Variants in PBX3 observed in about 807,000 individuals in gnomAD.
The protein encoded by PBX3 is PBX homeobox 3.
PBX3 carries 14 observed loss-of-function variants against 48.5 expected under a neutral mutation model. That is an observed-to-expected ratio of 0.29 (90% CI 0.19 to 0.45). The LOEUF (loss-of-function observed/expected upper bound fraction) is 0.45. Among genes scored for constraint, PBX3 ranks in the 20% least tolerant of loss-of-function variants. The probability of loss-of-function intolerance (pLI) is 1.00; values close to 1 mark genes in which losing one functional copy is unlikely to be tolerated. For synonymous variants in PBX3, 210 were observed against 200.3 expected (o/e 1.05, Z -0.41); for missense variants, 386 against 546.7 (o/e 0.71, Z 2.93).
intron 5 of PBX3, among the ~76,000 whole-genome samples, chr9:125,950,440 C>T (rs554641802): frequency 6.6e-5 from 10 of 151,180 alleles, no homozygotes; most frequent in African/African-American, 2.4e-4. Context: ...GGATGTTTTC[C>T]AAAAGTTGGT....
intron 2 of PBX3, among the ~76,000 whole-genome samples, chr9:125,864,714 A>G (rs1240211736): frequency 6.6e-6 from 1 of 152,208 alleles, no homozygotes; most frequent in Non-Finnish European, 1.5e-5. Flanking sequence ...AGCGGAACTC[A>G]GGTGGTAATG....
chr9:125,815,030 T>G (rs958641709), intron 2 of PBX3, among the ~76,000 whole-genome samples: 28 of 152,322 alleles, frequency 1.8e-4, no homozygotes, highest in Non-Finnish European at 1.5e-5. Context: ...CTCAGTTCCA[T>G]TTCTTTTTCC....
intron 2 of PBX3, among the ~76,000 whole-genome samples, chr9:125,847,531 T>C (rs1839457625): frequency 6.6e-6 from 1 of 151,970 alleles, no homozygotes; most frequent in Non-Finnish European, 1.5e-5. Flanking sequence ...TAGTAGTAAA[T>C]AGTAAAATAG....
intron 2 of PBX3, among the ~76,000 whole-genome samples, chr9:125,783,234 GTTA>G (rs1837369091): frequency 1.3e-5 from 2 of 152,008 alleles, no homozygotes; most frequent in Admixed American, 6.6e-5. Flanking sequence ...GTGATGTCTC[GTTA>G]TTATACATTG....
intron 2 of PBX3, among the ~76,000 whole-genome samples, chr9:125,828,183 TAC>T (rs142854872): frequency 0.039 from 5,956 of 152,254 alleles, 405 homozygotes; most frequent in African/African-American, 0.14. Context: ...TTCAGTTAAA[TAC>T]ATTTTCATCA....
At chr9:125,951,228 G>C (rs1842188308) in intron 5 of PBX3, among the ~76,000 whole-genome samples, 1 of 152,198 alleles carries the variant, frequency 6.6e-6, no homozygotes, top group African/African-American at 2.4e-5. Context: ...TAGGTCCAGT[G>C]CATTGTCCTG....
chr9:125,813,616 T>C (rs1421341772), intron 2 of PBX3, among the ~76,000 whole-genome samples: 1 of 152,224 alleles, frequency 6.6e-6, no homozygotes, highest in East Asian at 1.9e-4. Context: ...CAGGCTGTCA[T>C]CTGTGTCTTT....
At chr9:125,774,705 A>C (rs1193204612) in intron 2 of PBX3, among the ~76,000 whole-genome samples, 1 of 151,700 alleles carries the variant, frequency 6.6e-6, no homozygotes, top group African/African-American at 2.4e-5. Flanking sequence ...TGCTGTTCAG[A>C]ATGTTTGTGT....
intron 2 of PBX3, among the ~76,000 whole-genome samples, chr9:125,823,035 A>G (rs1588184683): frequency 6.6e-6 from 1 of 150,832 alleles, no homozygotes; most frequent in East Asian, 1.9e-4. Context: ...CCCACCATTC[A>G]TTAATTCTCC....
chr9:125,934,132 A>G (rs778458243), intron 4 of PBX3, among the ~76,000 whole-genome samples: 3 of 152,184 alleles, frequency 2.0e-5, no homozygotes, highest in Non-Finnish European at 4.4e-5. Context: ...CAATAGTTTA[A>G]CCCTCCTAAA....
intron 2 of PBX3, among the ~76,000 whole-genome samples, chr9:125,888,962 G>A (rs1564157725): frequency 6.6e-6 from 1 of 152,054 alleles, no homozygotes; most frequent in South Asian, 2.1e-4. Context: ...TTCCAAAAAT[G>A]TACATTTTTG....
Position 125,793,362 on chromosome 9 carries a change from AAAAAAT to A in PBX3, c.274+44741_274+44746del, listed in dbSNP as rs1280941631. On this transcript the variant is annotated intron_variant, in intron 2 of 8. Coordinates refer to ENST00000373489, the MANE Select transcript of PBX3 (RefSeq NM_006195.6). ...GTGAGACTCCATTTGGGGGGGAAAA[AAAAAAT>A]ATATATATATATATATATATATATT... 4.8e-3 allele frequency among the ~76,000 whole-genome samples: 315 copies of A among 65,634 alleles called. 11 individuals are homozygous for A. The highest frequency in any genetic ancestry group is 0.016 in the African/African-American group (284 of 17,708). The allele number at this position is 65,634 out of a possible 152,430, so 43.1% of individuals were successfully genotyped here. A position where few individuals can be genotyped will look rare whatever the true frequency, so the allele number is the denominator to read the frequency against.
intron 2 of PBX3, among the ~76,000 whole-genome samples, chr9:125,840,851 G>A (rs1427439171): frequency 6.6e-6 from 1 of 152,026 alleles, no homozygotes; most frequent in Non-Finnish European, 1.5e-5. Context: ...AGAGAGTCCA[G>A]GGTAAGGGTT....
intron 2 of PBX3, among the ~76,000 whole-genome samples, chr9:125,857,527 C>G (rs1839754162): frequency 6.6e-6 from 1 of 152,084 alleles, no homozygotes; most frequent in Non-Finnish European, 1.5e-5. Flanking sequence ...TCCCATCTGA[C>G]CCCCAGTACT....
chr9:125,958,419 G>A (rs1842355847), intron 5 of PBX3, among the ~76,000 whole-genome samples: 1 of 152,214 alleles, frequency 6.6e-6, no homozygotes, highest in Admixed American at 6.5e-5. Flanking sequence ...AGGCCAAGAA[G>A]GCTAATAGTA....
At chr9:125,828,921 C>T (rs1033263924) in intron 2 of PBX3, among the ~76,000 whole-genome samples, 5 of 152,214 alleles carry the variant, frequency 3.3e-5, no homozygotes, top group African/African-American at 1.2e-4. Flanking sequence ...GCTTCTGCAG[C>T]TCCCTTGATC....
intron 2 of PBX3, among the ~76,000 whole-genome samples, chr9:125,819,044 C>T (rs183582951): frequency 6.6e-6 from 1 of 151,582 alleles, no homozygotes; most frequent in Admixed American, 6.6e-5. Context: ...CCATGTTGGC[C>T]AGGCTAGTCT....
intron 2 of PBX3, among the ~76,000 whole-genome samples, chr9:125,801,233 T>C (rs913346573): frequency 3.3e-5 from 5 of 152,236 alleles, no homozygotes; most frequent in African/African-American, 1.2e-4. Context: ...CTTTTGATTT[T>C]GAAGTACTTC....
At chr9:125,894,897 A>G (rs1236197842) in intron 2 of PBX3, among the ~76,000 whole-genome samples, 1 of 152,106 alleles carries the variant, frequency 6.6e-6, no homozygotes, top group Non-Finnish European at 1.5e-5. Context: ...AGTTGTGAAA[A>G]TGGACTTTGC....
Sources: allele counts gnomAD v4.1 joint callset (sites outside exome capture counted in the v4.1 genomes callset), GRCh38; gene constraint gnomAD v4.1.1; transcripts MANE v1.5; gene names NCBI Gene and HGNC (gene_info 2026-07-23, HGNC 2026-07-21).